Variants in NEGR1 observed in about 807,000 individuals in gnomAD.
The protein encoded by NEGR1 is IgLON family member 4.
In NEGR1, 10 loss-of-function variants were observed where a neutral mutation model predicts 40.9. That is an observed-to-expected ratio of 0.24 (90% CI 0.15 to 0.42). The LOEUF (loss-of-function observed/expected upper bound fraction) is 0.42, where lower values mean the gene tolerates loss of function less well. Among genes scored for constraint, NEGR1 ranks in the 10% least tolerant of loss-of-function variants. The probability of loss-of-function intolerance (pLI) is 1.00; values close to 1 mark genes in which losing one functional copy is unlikely to be tolerated. For missense variants in NEGR1, 352 were observed against 438.9 expected, an observed-to-expected ratio of 0.80 and a Z score of 1.77; for synonymous variants, 185 against 166.8, an observed-to-expected ratio of 1.11 and a Z score of -0.84.
intron 6 of NEGR1, among the ~76,000 whole-genome samples, chr1:71,582,276 A>T (rs1344017907): frequency 6.6e-6 from 1 of 152,242 alleles, no homozygotes; most frequent in Non-Finnish European, 1.5e-5. Flanking sequence ...GTGTTTAACA[A>T]AAGACTGTTA....
intron 1 of NEGR1, chr1:72,274,898 A>G (rs2100563700): frequency 6.3e-7 from 1 of 1,595,390 alleles, no homozygotes; most frequent in East Asian, 2.2e-5. Flanking sequence ...ATTCCACAGA[A>G]CCAAGTCAAT....
intron 6 of NEGR1, among the ~76,000 whole-genome samples, chr1:71,416,268 T>G (rs1218222499): frequency 1.3e-5 from 2 of 152,204 alleles, no homozygotes; most frequent in East Asian, 3.8e-4. Flanking sequence ...ATGTAGGGTG[T>G]CTAAACTTGG....
At chr1:71,610,919 T>G in intron 5 of NEGR1, 107 bp downstream of exon 5, 3 of 1,166,286 alleles carry the variant, frequency 2.6e-6, no homozygotes, top group Non-Finnish European at 3.7e-6. Flanking sequence ...AGGAGGCTGC[T>G]GAGAATCATT....
At chr1:72,143,439 A>G (rs1230389577) in intron 1 of NEGR1, among the ~76,000 whole-genome samples, 1 of 151,896 alleles carries the variant, frequency 6.6e-6, no homozygotes, top group Non-Finnish European at 1.5e-5. Flanking sequence ...ATAAAGATAC[A>G]TAAACTGATG....
chr1:72,199,102 A>G (rs919765641), intron 1 of NEGR1, among the ~76,000 whole-genome samples: 1 of 151,542 alleles, frequency 6.6e-6, no homozygotes, highest in African/African-American at 2.4e-5. Context: ...TCCAATCCAG[A>G]ATATCATATA....
chr1:71,795,389 C>T (rs1165849256), intron 2 of NEGR1, among the ~76,000 whole-genome samples: 2 of 151,974 alleles, frequency 1.3e-5, no homozygotes, highest in East Asian at 3.9e-4. Context: ...TTGCCCTGGA[C>T]TAAAACAGTG....
chr1:72,127,463 CAAAAAAAAAAA>C (rs56301492), intron 1 of NEGR1, among the ~76,000 whole-genome samples: 1,673 of 39,308 alleles, frequency 0.043, 49 homozygotes, highest in African/African-American at 0.14. Context: ...GGCTCTGTCT[CAAAAAAAAAAA>C]AAAAAAAAAA....
At chr1:71,525,041 A>G (rs1647199968) in intron 6 of NEGR1, among the ~76,000 whole-genome samples, 1 of 151,786 alleles carries the variant, frequency 6.6e-6, no homozygotes, top group African/African-American at 2.4e-5. Flanking sequence ...AAACTATAAG[A>G]TAATACATTT....
At chr1:72,079,021 G>A (rs7542974) in intron 1 of NEGR1, among the ~76,000 whole-genome samples, 28,820 of 149,652 alleles carry the variant, frequency 0.19, 3,453 homozygotes, top group Middle Eastern at 0.27. Flanking sequence ...TGATAAATGA[G>A]GTTATTTAGA....
At chr1:71,958,684 G>A (rs1453151838) in intron 1 of NEGR1, among the ~76,000 whole-genome samples, 1 of 152,066 alleles carries the variant, frequency 6.6e-6, no homozygotes, top group Non-Finnish European at 1.5e-5. Context: ...GGCTGGGCAC[G>A]GTGGCTCACA....
intron 3 of NEGR1, among the ~76,000 whole-genome samples, chr1:71,721,001 A>C (rs1449537976): frequency 6.6e-6 from 1 of 152,222 alleles, no homozygotes; most frequent in South Asian, 2.1e-4. Context: ...GAAGCAAGTC[A>C]GGTTAGAGAA....
At chr1:72,053,669 T>C (rs1028643875) in intron 1 of NEGR1, among the ~76,000 whole-genome samples, 1 of 151,178 alleles carries the variant, frequency 6.6e-6, no homozygotes, top group African/African-American at 2.4e-5. Context: ...CCAAATTATA[T>C]CTATAATTAG....
chr1:72,144,052 T>C (rs1005580385), intron 1 of NEGR1, among the ~76,000 whole-genome samples: 11 of 134,244 alleles, frequency 8.2e-5, no homozygotes, highest in African/African-American at 3.1e-4. Flanking sequence ...AAGTATTATA[T>C]CCCTCAAATG....
intron 4 of NEGR1, among the ~76,000 whole-genome samples, chr1:71,641,704 A>G (rs918822699): frequency 2.5e-4 from 38 of 152,030 alleles, no homozygotes; most frequent in African/African-American, 9.2e-4. Flanking sequence ...AGAACCAGTC[A>G]TGCATAATGC....
chr1:71,433,812 C>G (rs921824332), intron 6 of NEGR1, among the ~76,000 whole-genome samples: 2 of 152,202 alleles, frequency 1.3e-5, no homozygotes, highest in Non-Finnish European at 2.9e-5. Context: ...GAGAGATTAT[C>G]TTTCTCTATA....
intron 1 of NEGR1, among the ~76,000 whole-genome samples, chr1:72,076,121 C>A (rs1341365241): frequency 2.0e-5 from 3 of 152,122 alleles, no homozygotes; most frequent in Non-Finnish European, 4.4e-5. Flanking sequence ...GCATTTGTTA[C>A]AACTAGATGT....
chr1:71,846,875 C>T (rs1236353853), intron 2 of NEGR1, among the ~76,000 whole-genome samples: 4 of 152,132 alleles, frequency 2.6e-5, no homozygotes, highest in African/African-American at 4.8e-5. Flanking sequence ...GACCTAATCA[C>T]CTCCTAAAAG....
At chr1:72,066,431 A>G (rs1647273940) in intron 1 of NEGR1, among the ~76,000 whole-genome samples, 1 of 152,210 alleles carries the variant, frequency 6.6e-6, no homozygotes, top group Admixed American at 6.6e-5. Context: ...TTTAACTTTT[A>G]TAGTAACAAG....
chr1:71,945,051 A>T (rs1357005943), intron 1 of NEGR1, among the ~76,000 whole-genome samples: 1 of 152,186 alleles, frequency 6.6e-6, no homozygotes, highest in Non-Finnish European at 1.5e-5. Context: ...TTAAGTTAAA[A>T]ATAGTCTCAA....
Sources: gnomAD v4.1 joint callset for allele counts (sites outside exome capture counted in the v4.1 genomes callset) on GRCh38, gnomAD v4.1.1 for gene constraint, MANE v1.5 for transcripts, NCBI Gene and HGNC (gene_info 2026-07-23, HGNC 2026-07-21) for gene names.